The following TFDP2 variants were observed in gnomAD, a reference collection of about 807,000 sequenced individuals.
TFDP2 encodes transcription factor Dp-2 (E2F dimerization partner 2).
A neutral mutation model predicts 59.3 loss-of-function variants in TFDP2; 17 were observed. That is an observed-to-expected ratio of 0.29 (90% CI 0.20 to 0.43). The LOEUF (loss-of-function observed/expected upper bound fraction) is 0.43, where lower values mean the gene tolerates loss of function less well. Among genes scored for constraint, TFDP2 ranks in the 20% least tolerant of loss-of-function variants. The probability of loss-of-function intolerance (pLI) is 1.00; values close to 1 mark genes in which losing one functional copy is unlikely to be tolerated. For synonymous variants in TFDP2, 180 were observed against 194.7 expected, an observed-to-expected ratio of 0.92 and a Z score of 0.63; for missense variants, 391 against 528.8, an observed-to-expected ratio of 0.74 and a Z score of 2.56.
chr3:142,082,237 C>G (rs76974679), intron 3 of TFDP2, among the ~76,000 whole-genome samples: 1 of 152,288 alleles, frequency 6.6e-6, no homozygotes, highest in African/African-American at 2.4e-5. Context: ...CACTGACTCC[C>G]GTCACCCCAA....
intron 6 of TFDP2, among the ~76,000 whole-genome samples, chr3:141,990,066 G>T (rs1192627473): frequency 6.6e-6 from 1 of 151,874 alleles, no homozygotes; most frequent in Non-Finnish European, 1.5e-5. Flanking sequence ...ACTAATTTTT[G>T]TATTTTCAGT....
At chr3:142,019,777 A>T (rs1945451708) in intron 3 of TFDP2, among the ~76,000 whole-genome samples, 1 of 147,670 alleles carries the variant, frequency 6.8e-6, no homozygotes, top group Non-Finnish European at 1.5e-5. Context: ...GCCACTTTTA[A>T]TGAATAATCC....
chr3:142,000,319 T>C, intron 4 of TFDP2: 2 of 702,674 alleles, frequency 2.8e-6, no homozygotes, highest in East Asian at 2.7e-5. Context: ...TGAGGGTTTA[T>C]TCTCTGCTTC....
intron 3 of TFDP2, among the ~76,000 whole-genome samples, chr3:142,070,781 ATGTTT>A (rs1186050243): frequency 6.6e-6 from 1 of 152,192 alleles, no homozygotes; most frequent in Non-Finnish European, 1.5e-5. Context: ...GGTTTGAAGT[ATGTTT>A]TATTTTATTT....
intron 3 of TFDP2, among the ~76,000 whole-genome samples, chr3:142,016,992 A>T (rs976155415): frequency 4.6e-5 from 7 of 152,180 alleles, no homozygotes; most frequent in African/African-American, 1.7e-4. Flanking sequence ...AACCCATGCC[A>T]ACCAAATTTC....
At chr3:142,074,002 A>G (rs1057100887) in intron 3 of TFDP2, among the ~76,000 whole-genome samples, 6 of 152,250 alleles carry the variant, frequency 3.9e-5, no homozygotes, top group Non-Finnish European at 7.3e-5. Flanking sequence ...ATGACGAAGA[A>G]TAAAGTTGGA....
chr3:142,045,217 G>A (rs567770200), intron 3 of TFDP2, among the ~76,000 whole-genome samples: 5 of 147,740 alleles, frequency 3.4e-5, no homozygotes, highest in African/African-American at 7.5e-5. Flanking sequence ...GCAGTGGCAC[G>A]ATCACGATCT....
chr3:142,082,083 T>C (rs1459877073), intron 3 of TFDP2, among the ~76,000 whole-genome samples: 1 of 152,124 alleles, frequency 6.6e-6, no homozygotes, highest in Non-Finnish European at 1.5e-5. Context: ...CCCCACTGCT[T>C]GCATTACCAC....
chr3:142,073,868 C>G (rs914973982), intron 3 of TFDP2, among the ~76,000 whole-genome samples: 7 of 152,042 alleles, frequency 4.6e-5, no homozygotes, highest in Non-Finnish European at 8.8e-5. Context: ...ATCAATAAAA[C>G]CAAAGCAATC....
At chr3:142,002,317 G>GTTT (rs750047190) in intron 4 of TFDP2, among the ~76,000 whole-genome samples, 11,771 of 106,580 alleles carry the variant, frequency 0.11, 759 homozygotes, top group East Asian at 0.16. Flanking sequence ...TATTTTTAGT[G>GTTT]TTTTTTTTTT....
chr3:142,039,568 G>A (rs1447386525), intron 3 of TFDP2, among the ~76,000 whole-genome samples: 1 of 152,146 alleles, frequency 6.6e-6, no homozygotes, highest in Non-Finnish European at 1.5e-5. Context: ...GAGAGCAGGA[G>A]AGAATCCTCA....
chr3:142,092,491 TAA>T (rs1358947794), intron 3 of TFDP2, among the ~76,000 whole-genome samples: 1 of 152,066 alleles, frequency 6.6e-6, no homozygotes, highest in Admixed American at 6.6e-5. Context: ...CATGCCCGGC[TAA>T]GTTTTTGTAA....
chr3:142,050,426 T>C (rs964556970), intron 3 of TFDP2, among the ~76,000 whole-genome samples: 1 of 152,136 alleles, frequency 6.6e-6, no homozygotes, highest in Non-Finnish European at 1.5e-5. Context: ...CGGGACACGG[T>C]GGCTCACGCC....
At chr3:142,090,404 A>C (rs1438405801) in intron 3 of TFDP2, among the ~76,000 whole-genome samples, 1 of 152,190 alleles carries the variant, frequency 6.6e-6, no homozygotes, top group Non-Finnish European at 1.5e-5. Context: ...TCTGTAACTA[A>C]ACTTTACTGG....
intron 3 of TFDP2, among the ~76,000 whole-genome samples, chr3:142,083,568 A>G (rs1005047919): frequency 6.6e-6 from 1 of 152,214 alleles, no homozygotes; most frequent in Non-Finnish European, 1.5e-5. Context: ...CAAAAAGAAC[A>G]AAACTGAAGG....
At chr3:141,958,513 A>T (rs1223142334) in intron 11 of TFDP2, among the ~76,000 whole-genome samples, 1 of 152,086 alleles carries the variant, frequency 6.6e-6, no homozygotes, top group East Asian at 1.9e-4. Context: ...TGACAATGAA[A>T]TGTAAGAGAA....
chr3:142,049,878 T>G (rs1398675696), intron 3 of TFDP2, among the ~76,000 whole-genome samples: 1 of 152,148 alleles, frequency 6.6e-6, no homozygotes, highest in Non-Finnish European at 1.5e-5. Context: ...TAGGGATAAA[T>G]CTAACAAAAT....
chr3:142,064,972 A>G (rs2060028483), intron 3 of TFDP2, among the ~76,000 whole-genome samples: 1 of 152,216 alleles, frequency 6.6e-6, no homozygotes, highest in East Asian at 1.9e-4. Context: ...GTATCTAATT[A>G]TTTAATATGG....
At chr3:142,140,247 T>C (rs1258749430) in intron 1 of TFDP2, among the ~76,000 whole-genome samples, 1 of 152,204 alleles carries the variant, frequency 6.6e-6, no homozygotes, top group Non-Finnish European at 1.5e-5. Context: ...CTACACTGTT[T>C]ATTCTAGTTA....
Sources: allele counts gnomAD v4.1 joint callset (sites outside exome capture counted in the v4.1 genomes callset), GRCh38; gene constraint gnomAD v4.1.1; transcripts MANE v1.5; gene names NCBI Gene and HGNC (gene_info 2026-07-23, HGNC 2026-07-21).